ZNF184: variants seen among roughly 807,000 people sequenced by gnomAD.
The protein encoded by ZNF184 is zinc finger protein 184 (Kruppel-like).
A neutral mutation model predicts 54.4 loss-of-function variants in ZNF184; 16 were observed. The observed-to-expected ratio is 0.29, with a 90% CI of 0.20 to 0.45. The LOEUF (loss-of-function observed/expected upper bound fraction) is 0.45. Ranked by LOEUF, ZNF184 falls within the 20% of genes least tolerant of loss-of-function variation. The pLI is 1.00. For synonymous variants in ZNF184, 254 were observed against 295.3 expected (o/e 0.86, Z 1.43); for missense variants, 681 against 888.2 (o/e 0.77, Z 2.97).
At chr6:27,457,472 G>T in intron 3 of ZNF184, 63 bp from the exon 4 acceptor site, 1 of 1,575,468 alleles carries the variant, frequency 6.3e-7, no homozygotes. Context: ...GGTAAAGTTA[G>T]CAATACTGAC....
In ZNF184 at chr6:27,470,276, G is replaced by GAAA. The variant is rs926127310; in HGVS notation, c.7+2009_7+2011dup. 9.2e-5 allele frequency among the ~76,000 whole-genome samples: 13 copies of GAAA among 140,618 alleles called. No homozygotes were observed. The East Asian group carries it at 2.7e-3, about 29-fold the overall frequency. 92.3% of individuals were successfully genotyped at this position (140,618 alleles called of 152,430 possible). ...TTGTAGATAAATCGAAAGAAAGAAA[G>GAAA]AAAAAAAAAAACAAAAGTAGCACCA... On this transcript the variant is annotated intron_variant, in intron 2 of 5. Coordinates refer to ENST00000683788, the MANE Select transcript of ZNF184 (RefSeq NM_001318891.2).
chr6:27,464,965 C>G (rs1400452945), intron 3 of ZNF184, among the ~76,000 whole-genome samples: 2 of 129,144 alleles, frequency 1.5e-5, no homozygotes, highest in Non-Finnish European at 3.2e-5. Context: ...TGCAGTGAGC[C>G]GAGATCGCCC....
chr6:27,442,324 T>C, the ZNF184 span, among the ~76,000 whole-genome samples: 39 of 152,102 alleles, frequency 2.6e-4, no homozygotes, highest in Non-Finnish European at 4.9e-4. Flanking sequence ...CAATTTTAAA[T>C]AATAATGGGG....
chr6:27,472,452 C>A lies in ZNF184; in HGVS notation c.-139-19G>T. On this transcript the variant is annotated intron_variant, in intron 1 of 5. Coordinates refer to ENST00000683788, the MANE Select transcript of ZNF184 (RefSeq NM_001318891.2). This position sits in a 1 kb window ranked among gnomAD's most constrained non-coding sequence, Gnocchi z 4.8. ...GTCTACCCTAAAAGACACAGGATGG[C>A]GTCAGCAGCATACGTCACACAATCA... 1 of 838,532 alleles carries A rather than the reference C, an allele frequency of 1.2e-6. No individual in the cohort carries two copies. The allele number at this position is 838,532 out of a possible 1,614,324, so 51.9% of individuals were successfully genotyped here.
In ZNF184 at chr6:27,468,272, A is replaced by T. The variant is rs200928827; in HGVS notation, c.8-352T>A. On this transcript the variant is annotated intron_variant, in intron 2 of 5. Coordinates refer to ENST00000683788, the MANE Select transcript of ZNF184 (RefSeq NM_001318891.2). ...ATCCGATTACTTTCCAAAAGCCTTC[A>T]TAGGCCCTTTGAAAACTTTGCTATT... 3.0e-4 allele frequency among the ~76,000 whole-genome samples: 45 copies of T among 152,368 alleles called. 1 individual carries two copies. In the East Asian group the frequency reaches 7.7e-3, roughly 26 times the overall value.
chr6:27,467,005 C>G (rs1763155437), intron 3 of ZNF184, among the ~76,000 whole-genome samples: 3 of 152,198 alleles, frequency 2.0e-5, no homozygotes, highest in South Asian at 4.1e-4. Flanking sequence ...CATAATCCAT[C>G]TCTTCCAAAT....
At chr6:27,442,874 G>GAAAA in the ZNF184 span, among the ~76,000 whole-genome samples, 4 of 67,360 alleles carry the variant, frequency 5.9e-5, no homozygotes, top group African/African-American at 9.6e-5. Flanking sequence ...AAGAAAGAAA[G>GAAAA]AAAGAAAAAG....
Position 27,451,237 on chromosome 6 carries a change from C to G in ZNF184, c.*66G>C. On this transcript the variant is annotated 3_prime_UTR_variant, in exon 6 of 6. Coordinates refer to ENST00000683788, the MANE Select transcript of ZNF184 (RefSeq NM_001318891.2). Reference sequence around the variant, plus strand: ...AGTTTCTAAATCCACTCTGATTCTTCAGTACTTAACAAAAGGACAAACTAA... The same window carrying G: ...AGTTTCTAAATCCACTCTGATTCTTGAGTACTTAACAAAAGGACAAACTAA... The G allele has an allele frequency of 6.7e-7, 1 of 1,498,854 alleles. No individual in the cohort carries two copies. Among genetic ancestry groups the G allele is most frequent in the East Asian group, 2.3e-5 (1 of 43,970 alleles). The allele number at this position is 1,498,854 out of a possible 1,614,324, so 92.8% of individuals were successfully genotyped here.
chr6:27,408,031 G>A, the ZNF184 span: 7 of 962,126 alleles, frequency 7.3e-6, no homozygotes, highest in Non-Finnish European at 1.2e-5. Context: ...ATATGCAAAT[G>A]TGACCTGGGA....
the ZNF184 span, among the ~76,000 whole-genome samples, chr6:27,433,800 G>A: frequency 6.6e-6 from 1 of 152,004 alleles, no homozygotes; most frequent in South Asian, 2.1e-4. Context: ...TTATGAATAC[G>A]GATGCACAAA....
At position 27,451,883 on chromosome 6, in the gene ZNF184, T is replaced by G; in HGVS notation, c.1676A>C (p.Gln559Pro). 1.2e-6 allele frequency: 2 copies of G among 1,612,566 alleles called. No individual in the cohort carries two copies. The highest frequency in any genetic ancestry group is 1.7e-6 in the Non-Finnish European group (2 of 1,180,002). ...ERIHTGEKPYQCHECGKTFSY... is the reference protein window; with the variant it reads ...ERIHTGEKPYPCHECGKTFSY... ...GAAGGTTTTCCCACATTCATGACAC[T>G]GATAGGGTTTCTCTCCAGTATGAAT... is the stretch of plus-strand genomic sequence containing the variant. The change falls in exon 6 of 6, where the codon CAG (glutamine) becomes CCG (proline). Residue 559 changes from glutamine to proline, a missense_variant. Physicochemically the swap from Gln to Pro is moderately conservative, Grantham distance 76. Transcript: ENST00000683788.
chr6:27,423,109 C>T, the ZNF184 span, among the ~76,000 whole-genome samples: 2 of 152,242 alleles, frequency 1.3e-5, no homozygotes, highest in African/African-American at 2.4e-5. Flanking sequence ...TAGTCGCGTA[C>T]GCGGCCTCAG....
the ZNF184 span, among the ~76,000 whole-genome samples, chr6:27,414,007 T>C: frequency 3.9e-5 from 6 of 152,214 alleles, no homozygotes; most frequent in Non-Finnish European, 8.8e-5. Flanking sequence ...TTGTTCACTA[T>C]GCATCTTCTC....
intron 3 of ZNF184, 85 bp from the exon 4 acceptor site, chr6:27,457,494 A>C: frequency 6.9e-7 from 1 of 1,439,218 alleles, no homozygotes; most frequent in Non-Finnish European, 9.4e-7. Context: ...GAAGTAAGGC[A>C]GTCTATAGGA....
chr6:27,422,966 G>T, the ZNF184 span, among the ~76,000 whole-genome samples: 1 of 152,190 alleles, frequency 6.6e-6, no homozygotes, highest in Non-Finnish European at 1.5e-5. Context: ...TTTAATAGCA[G>T]GCAAGGGCGC....
At chr6:27,462,914 C>A (rs1277566348) in intron 3 of ZNF184, among the ~76,000 whole-genome samples, 2 of 150,138 alleles carry the variant, frequency 1.3e-5, no homozygotes, top group African/African-American at 2.5e-5. Context: ...GAAAATATAA[C>A]CCATAATAAA....
chr6:27,430,569 G>T, the ZNF184 span, among the ~76,000 whole-genome samples: 8 of 152,262 alleles, frequency 5.3e-5, no homozygotes, highest in East Asian at 7.7e-4. Context: ...GCAGAGATTG[G>T]AGTGATGCAG....
At chr6:27,446,465 G>C (rs1199602289), downstream of ZNF184, among the ~76,000 whole-genome samples, 2 of 152,246 alleles carry the variant, frequency 1.3e-5, no homozygotes, top group African/African-American at 4.8e-5. Context: ...CAATGCAATA[G>C]CTGTGAAGAC....
At chr6:27,424,388 C>T in the ZNF184 span, among the ~76,000 whole-genome samples, 2 of 152,158 alleles carry the variant, frequency 1.3e-5, no homozygotes, top group African/African-American at 2.4e-5. Flanking sequence ...CACTGCTGGC[C>T]CCGCAGCCTG....
Sources: allele counts gnomAD v4.1 joint callset (sites outside exome capture counted in the v4.1 genomes callset), GRCh38; gene constraint gnomAD v4.1.1; non-coding constraint Gnocchi (gnomAD v3.1); transcripts MANE v1.5; gene names NCBI Gene and HGNC (gene_info 2026-07-23, HGNC 2026-07-21).